CBL: variants seen among roughly 807,000 people sequenced by gnomAD.
CBL encodes the protein Cbl proto-oncogene, also known as E3 ubiquitin-protein ligase CBL.
Under a neutral mutation model 96.9 loss-of-function variants are expected in CBL, and 45 were observed. The observed-to-expected ratio is 0.46, with a 90% CI of 0.37 to 0.60. The LOEUF (loss-of-function observed/expected upper bound fraction) is 0.60. CBL is among the 20% of genes least tolerant of loss of function. The probability of loss-of-function intolerance (pLI) is 0.00; values close to 1 mark genes in which losing one functional copy is unlikely to be tolerated. For missense variants in CBL, 1,024 were observed against 1,143.5 expected, an observed-to-expected ratio of 0.90 and a Z score of 1.51; for synonymous variants, 420 against 426.8, an observed-to-expected ratio of 0.98 and a Z score of 0.20.
rs558973849 is a variant in CBL at position 119,233,861 on chromosome 11, G to C, written c.443+1166G>C. ...TGTTGTCTACCTTTCCTTTGGGCCTGTTGGCCTAGATTCTGGCAACCCTAG... is the reference window on the plus strand; with the variant it reads ...TGTTGTCTACCTTTCCTTTGGGCCTCTTGGCCTAGATTCTGGCAACCCTAG... On this transcript the variant is annotated intron_variant, in intron 2 of 15. Coordinates refer to ENST00000264033, the MANE Select transcript of CBL (RefSeq NM_005188.4). Among the ~76,000 whole-genome samples the C allele has an allele frequency of 5.9e-5, 9 of 152,254 alleles. No individual in the cohort carries two copies. In the South Asian group the frequency reaches 1.7e-3, roughly 28 times the overall value.
chr11:119,290,692 T>C (rs1164474067), intron 12 of CBL, among the ~76,000 whole-genome samples: 2 of 150,612 alleles, frequency 1.3e-5, no homozygotes, highest in Non-Finnish European at 3.0e-5. Flanking sequence ...ATGTTTTGTT[T>C]TGAGACAGAG....
rs2135304835 is a variant in CBL at position 119,278,670 on chromosome 11, C to A, written c.1388C>A (p.Ala463Asp). ...TATGATGATGATGATGATGAACGAGCTGATGATACTCTCTTCATGATGAAG... is the reference window on the plus strand; with the variant it reads ...TATGATGATGATGATGATGAACGAGATGATGATACTCTCTTCATGATGAAG... Reference protein sequence around the residue: ...PNYDDDDDERADDTLFMMKEL... With the variant: ...PNYDDDDDERDDDTLFMMKEL... The change falls in exon 9 of 16, where the codon GCT becomes GAT. Residue 463 changes from alanine to aspartate, a missense_variant. This residue lies in a region of CBL where 695 missense variants were observed against 661.6 expected (regional missense o/e 1.05). Coordinates refer to ENST00000264033, the MANE Select transcript of CBL (RefSeq NM_005188.4). 6.2e-7 allele frequency: 1 copy of A among 1,614,012 alleles called. No homozygotes were observed. The highest frequency in any genetic ancestry group is 8.5e-7 in the Non-Finnish European group (1 of 1,180,026).
chr11:119,270,438 T>A (rs7480541), intron 2 of CBL, among the ~76,000 whole-genome samples: 535 of 17,312 alleles, frequency 0.031, no homozygotes, highest in East Asian at 0.074. Context: ...ATATATATAT[T>A]TTTTTTTTTT....
chr11:119,284,039 T>C (rs999056804), intron 9 of CBL, among the ~76,000 whole-genome samples: 3 of 152,210 alleles, frequency 2.0e-5, no homozygotes, highest in East Asian at 1.9e-4. Flanking sequence ...TAAAAAAATT[T>C]TTAGTTAAAA....
intron 2 of CBL, among the ~76,000 whole-genome samples, chr11:119,265,716 GTC>G (rs1266207655): frequency 2.0e-5 from 3 of 152,024 alleles, no homozygotes; most frequent in Admixed American, 6.6e-5. Flanking sequence ...GTGAAACCCT[GTC>G]TCTACTAAAA....
intron 1 of CBL, among the ~76,000 whole-genome samples, chr11:119,226,715 C>G (rs1949462362): frequency 6.6e-6 from 1 of 152,170 alleles, no homozygotes; most frequent in African/African-American, 2.4e-5. Context: ...ACCTCAGCCT[C>G]CCAAAGTGCT....
chr11:119,225,402 T>C (rs960035395), intron 1 of CBL, among the ~76,000 whole-genome samples: 1 of 151,680 alleles, frequency 6.6e-6, no homozygotes, highest in Non-Finnish European at 1.5e-5. Context: ...TGGCCTTATG[T>C]TTTGTTTTTG....
At position 119,307,315 on chromosome 11, in the gene CBL, G is replaced by T. The variant is rs1950151847; in HGVS notation, c.*7534G>T. On this transcript the variant is annotated 3_prime_UTR_variant, in exon 16 of 16. Coordinates refer to ENST00000264033, the MANE Select transcript of CBL (RefSeq NM_005188.4). ...ACCATTCCAAGTGTCCTAGCCTTCT[G>T]ATGACATTAATTACCTAGTTGTGTC... 8.6e-6 allele frequency: 2 copies of T among 232,850 alleles called. No individual in the cohort carries two copies. Among genetic ancestry groups the T allele is most frequent in the Admixed American group, 1.1e-4 (2 of 17,760 alleles). The allele number at this position is 232,850 out of a possible 1,614,324, so 14.4% of individuals were successfully genotyped here. A position where few individuals can be genotyped will look rare whatever the true frequency, so the allele number is the denominator to read the frequency against.
chr11:119,253,032 A>G (rs1949682607), intron 2 of CBL, among the ~76,000 whole-genome samples: 1 of 152,194 alleles, frequency 6.6e-6, no homozygotes, highest in South Asian at 2.1e-4. Context: ...ACGTGTCAGT[A>G]GATACAAAGT....
intron 1 of CBL, among the ~76,000 whole-genome samples, chr11:119,218,877 C>T (rs1282466769): frequency 1.3e-5 from 2 of 152,086 alleles, no homozygotes; most frequent in African/African-American, 2.4e-5. Flanking sequence ...ACTCATATTC[C>T]GAGGTTACTA....
intron 6 of CBL, among the ~76,000 whole-genome samples, chr11:119,277,354 C>T (rs575282520): frequency 6.6e-6 from 1 of 151,922 alleles, no homozygotes; most frequent in Admixed American, 6.6e-5. Context: ...TTTGTTCCCC[C>T]GGGGAGCCAA....
chr11:119,254,784 T>C (rs934987069), intron 2 of CBL, among the ~76,000 whole-genome samples: 32 of 152,110 alleles, frequency 2.1e-4, no homozygotes, highest in African/African-American at 7.0e-4. Context: ...GTATTTTTAG[T>C]AGAGACGGGG....
At chr11:119,254,593 T>C (rs905732945) in intron 2 of CBL, among the ~76,000 whole-genome samples, 1 of 152,032 alleles carries the variant, frequency 6.6e-6, no homozygotes, top group Non-Finnish European at 1.5e-5. Context: ...TGTGGTATTA[T>C]AATCTTTTTT....
chr11:119,206,589 A>G lies in CBL; in HGVS notation c.172A>G (p.Lys58Glu). 1.3e-6 allele frequency: 2 copies of G among 1,548,572 alleles called. No homozygotes were observed. The highest frequency in any genetic ancestry group is 1.7e-6 in the Non-Finnish European group (2 of 1,146,230). The change falls in exon 1 of 16, where the codon AAG (lysine) becomes GAG (glutamate). Residue 58 changes from lysine to glutamate, a missense_variant. By Grantham distance (56) the Lys-to-Glu change is moderately conservative. This residue lies in a region of CBL where 114 missense variants were observed against 117.4 expected (regional missense o/e 0.97). Coordinates refer to ENST00000264033, the MANE Select transcript of CBL (RefSeq NM_005188.4). ...GACGGTGGACAAGAAGATGGTGGAG[A>G]AGTGCTGGAAGCTCATGGACAAGGT... is the stretch of plus-strand genomic sequence containing the variant. ...PGTVDKKMVE[K>E]CWKLMDKVVR...
Position 119,302,207 on chromosome 11 carries a change from C to G in CBL, c.*2426C>G, listed in dbSNP as rs1950106726. 4.3e-6 allele frequency: 1 copy of G among 232,908 alleles called. No individual in the cohort carries two copies. The highest frequency in any genetic ancestry group is 8.5e-6 in the Non-Finnish European group (1 of 117,838). The allele number at this position is 232,908 out of a possible 1,614,324, so 14.4% of individuals were successfully genotyped here. On this transcript the variant is annotated 3_prime_UTR_variant, in exon 16 of 16. Coordinates refer to ENST00000264033, the MANE Select transcript of CBL (RefSeq NM_005188.4). Reference sequence around the variant, plus strand: ...TCAGTTTGTCACAGGTATCTGCCAGCATTCAAGGTTTTGGATCATTTCATG... The same window carrying G: ...TCAGTTTGTCACAGGTATCTGCCAGGATTCAAGGTTTTGGATCATTTCATG...
At chr11:119,279,329 A>G (rs914291327) in intron 9 of CBL, among the ~76,000 whole-genome samples, 2 of 151,998 alleles carry the variant, frequency 1.3e-5, no homozygotes, top group Non-Finnish European at 2.9e-5. Context: ...GTGAGACCCT[A>G]TCTCTACCCC....
At chr11:119,231,418 A>G (rs537377603) in intron 1 of CBL, among the ~76,000 whole-genome samples, 10 of 146,106 alleles carry the variant, frequency 6.8e-5, no homozygotes, top group Non-Finnish European at 1.4e-4. Flanking sequence ...AAAAACAAAA[A>G]ACAAACAAAG....
At chr11:119,241,017 G>A (rs548516989) in intron 2 of CBL, among the ~76,000 whole-genome samples, 23 of 152,272 alleles carry the variant, frequency 1.5e-4, no homozygotes, top group African/African-American at 4.3e-4. Context: ...AGGTTGCAGA[G>A]CCGAGATTGT....
intron 2 of CBL, among the ~76,000 whole-genome samples, chr11:119,258,580 A>T (rs1448207421): frequency 1.3e-5 from 2 of 152,196 alleles, no homozygotes; most frequent in Non-Finnish European, 2.9e-5. Flanking sequence ...CTGGGGGATT[A>T]CATTTCAACA....
Sources: allele counts gnomAD v4.1 joint callset (sites outside exome capture counted in the v4.1 genomes callset), GRCh38; gene constraint gnomAD v4.1.1; regional missense constraint gnomAD v4.1.1; transcripts MANE v1.5; gene names NCBI Gene and HGNC (gene_info 2026-07-23, HGNC 2026-07-21).